GPC5: variants seen among roughly 807,000 people sequenced by gnomAD.
The protein encoded by GPC5 is glypican 5.
GPC5 carries 47 observed loss-of-function variants against 53.9 expected under a neutral mutation model. The ratio of observed to expected loss-of-function variants is 0.87; its 90% confidence interval spans 0.69 to 1.11. The LOEUF (loss-of-function observed/expected upper bound fraction) is 1.11. Ranked by LOEUF, GPC5 falls within the 50% of genes most tolerant of loss-of-function variation. The pLI, the probability that GPC5 is intolerant of heterozygous loss-of-function variation, is 0.00. For missense variants in GPC5, 748 were observed against 713.1 expected, an observed-to-expected ratio of 1.05 and a Z score of -0.56; for synonymous variants, 286 against 263.3, an observed-to-expected ratio of 1.09 and a Z score of -0.84.
intron 6 of GPC5, among the ~76,000 whole-genome samples, chr13:92,121,221 TCA>T (rs1359982936): frequency 6.6e-6 from 1 of 152,210 alleles, no homozygotes; most frequent in African/African-American, 2.4e-5. Context: ...TCTGATCCAC[TCA>T]CACTTCTCTA....
intron 7 of GPC5, among the ~76,000 whole-genome samples, chr13:92,183,758 A>G (rs1393139837): frequency 6.6e-6 from 1 of 152,046 alleles, no homozygotes; most frequent in Non-Finnish European, 1.5e-5. Flanking sequence ...ATCAAGTTTT[A>G]TGATGCTTTT....
intron 7 of GPC5, among the ~76,000 whole-genome samples, chr13:92,235,225 T>A (rs1226921616): frequency 6.6e-6 from 1 of 152,102 alleles, no homozygotes; most frequent in Non-Finnish European, 1.5e-5. Flanking sequence ...ATTGTTGCCT[T>A]TTATTACATA....
chr13:91,568,464 A>G (rs879529338), intron 2 of GPC5, among the ~76,000 whole-genome samples: 1 of 152,022 alleles, frequency 6.6e-6, no homozygotes, highest in Non-Finnish European at 1.5e-5. Context: ...TTTCTAGGAT[A>G]TGATCCTTAG....
At chr13:92,310,164 TATTC>T (rs1053551389) in intron 7 of GPC5, among the ~76,000 whole-genome samples, 18 of 152,248 alleles carry the variant, frequency 1.2e-4, no homozygotes, top group African/African-American at 4.1e-4. Flanking sequence ...ACATTTTCTT[TATTC>T]ATTCATTTGT....
intron 6 of GPC5, among the ~76,000 whole-genome samples, chr13:92,040,203 C>T (rs757693114): frequency 2.6e-5 from 4 of 152,164 alleles, no homozygotes; most frequent in South Asian, 2.1e-4. Context: ...GCCAGGGCCA[C>T]GGTATGTGTG....
chr13:92,622,010 A>T (rs1303280627), intron 7 of GPC5, among the ~76,000 whole-genome samples: 1 of 152,078 alleles, frequency 6.6e-6, no homozygotes, highest in Non-Finnish European at 1.5e-5. Flanking sequence ...CCCTCGACTA[A>T]TGCTTTCAGT....
At chr13:92,106,685 A>G (rs2041512979) in intron 6 of GPC5, among the ~76,000 whole-genome samples, 1 of 152,080 alleles carries the variant, frequency 6.6e-6, no homozygotes, top group South Asian at 2.1e-4. Flanking sequence ...TCTTTAGGTA[A>G]TTGTTCATGT....
At chr13:91,652,843 A>G (rs2034749616) in intron 2 of GPC5, among the ~76,000 whole-genome samples, 1 of 152,134 alleles carries the variant, frequency 6.6e-6, no homozygotes, top group African/African-American at 2.4e-5. Flanking sequence ...GTCACAGTTG[A>G]TCGTTTACTT....
chr13:92,800,745 C>G (rs923153964), intron 7 of GPC5, among the ~76,000 whole-genome samples: 2 of 151,910 alleles, frequency 1.3e-5, no homozygotes, highest in African/African-American at 4.8e-5. Flanking sequence ...TTCATTGATA[C>G]AGAGTTCATT....
intron 7 of GPC5, among the ~76,000 whole-genome samples, chr13:92,328,627 C>A (rs2043268108): frequency 6.6e-6 from 1 of 152,138 alleles, no homozygotes; most frequent in Non-Finnish European, 1.5e-5. Flanking sequence ...GTAACCCCGA[C>A]TAGGAGCAGA....
intron 7 of GPC5, among the ~76,000 whole-genome samples, chr13:92,514,873 C>G (rs1236629050): frequency 2.0e-5 from 3 of 152,138 alleles, no homozygotes; most frequent in Non-Finnish European, 2.9e-5. Context: ...TCTGTGACAG[C>G]AACCTGAAAA....
chr13:92,151,541 G>A (rs902929718), intron 7 of GPC5, among the ~76,000 whole-genome samples: 1 of 152,060 alleles, frequency 6.6e-6, no homozygotes, highest in South Asian at 2.1e-4. Flanking sequence ...GGCCAGTAAT[G>A]GTGGCTGATT....
At chr13:92,654,703 T>C (rs571500790) in intron 7 of GPC5, among the ~76,000 whole-genome samples, 1 of 152,022 alleles carries the variant, frequency 6.6e-6, no homozygotes, top group South Asian at 2.1e-4. Flanking sequence ...ATGTTAAAAA[T>C]AGTTTTGTAA....
At position 92,529,460 on chromosome 13, in the gene GPC5, TAATTGAA is replaced by T. The variant is rs1344957426; in HGVS notation, c.1562-336821_1562-336815del. Among the ~76,000 whole-genome samples the T allele has an allele frequency of 2.6e-5, 4 of 152,296 alleles. No individual in the cohort carries two copies. In the East Asian group the frequency reaches 7.7e-4, roughly 29 times the overall value. ...ATATTTTTACATATCAAATCTCCAG[TAATTGAA>T]GAATTAATGATCAAATCAGCAACAC... On this transcript the variant is annotated intron_variant, in intron 7 of 7. Transcript: ENST00000377067.
chr13:91,857,725 T>A (rs566575359), intron 5 of GPC5, among the ~76,000 whole-genome samples: 55 of 151,522 alleles, frequency 3.6e-4, no homozygotes, highest in African/African-American at 1.3e-3. Flanking sequence ...ATTCAATATA[T>A]AGTCATTAAG....
chr13:91,735,385 C>T (rs753127741), intron 4 of GPC5, among the ~76,000 whole-genome samples: 6 of 151,068 alleles, frequency 4.0e-5, no homozygotes, highest in Non-Finnish European at 7.4e-5. Context: ...ATTCTAAGTT[C>T]ATGTAATTAT....
At chr13:92,112,350 T>C (rs1479929946) in intron 6 of GPC5, among the ~76,000 whole-genome samples, 1 of 152,056 alleles carries the variant, frequency 6.6e-6, no homozygotes, top group Non-Finnish European at 1.5e-5. Context: ...AAGAGATGGA[T>C]GAGGAATCGT....
chr13:92,395,348 C>T (rs1234347372), intron 7 of GPC5, among the ~76,000 whole-genome samples: 5 of 152,102 alleles, frequency 3.3e-5, no homozygotes, highest in Admixed American at 3.3e-4. Flanking sequence ...AATATGATAA[C>T]ACTTCACATG....
chr13:92,081,859 A>T (rs1432172945), intron 6 of GPC5, among the ~76,000 whole-genome samples: 1 of 152,218 alleles, frequency 6.6e-6, no homozygotes, highest in East Asian at 1.9e-4. Context: ...CAGGAAGTAT[A>T]TAATGCGTAT....
Sources: gnomAD v4.1 joint callset for allele counts (sites outside exome capture counted in the v4.1 genomes callset) on GRCh38, gnomAD v4.1.1 for gene constraint, MANE v1.5 for transcripts, NCBI Gene and HGNC (gene_info 2026-07-23, HGNC 2026-07-21) for gene names.